Variants in PXDNL observed in about 807,000 individuals in gnomAD.
PXDNL encodes the protein peroxidasin like, also known as probable oxidoreductase PXDNL.
PXDNL carries 145 observed loss-of-function variants against 150.8 expected under a neutral mutation model. The ratio of observed to expected loss-of-function variants is 0.96; its 90% CI spans 0.84 to 1.10. The LOEUF (loss-of-function observed/expected upper bound fraction) is 1.10. PXDNL is among the 50% of genes least tolerant of loss of function. PXDNL has a pLI of 0.00. For missense variants in PXDNL, 2,087 were observed against 1,873.9 expected (o/e 1.11, Z -2.10); for synonymous variants, 757 against 725.7 (o/e 1.04, Z -0.69).
chr8:51,738,482 G>A (rs1055255626), intron 1 of PXDNL, among the ~76,000 whole-genome samples: 1 of 151,966 alleles, frequency 6.6e-6, no homozygotes, highest in Non-Finnish European at 1.5e-5. Flanking sequence ...GTCCTCAAAT[G>A]TCACTTCCTC....
intron 19 of PXDNL, among the ~76,000 whole-genome samples, chr8:51,349,099 G>A (rs1017354): frequency 0.78 from 118,432 of 151,930 alleles, 46,326 homozygotes; most frequent in East Asian, 0.94. Context: ...GTTTGAAGAC[G>A]GCAACAGATG....
intron 1 of PXDNL, among the ~76,000 whole-genome samples, chr8:51,655,204 T>C (rs993813476): frequency 6.6e-6 from 1 of 152,244 alleles, no homozygotes; most frequent in Admixed American, 6.5e-5. Flanking sequence ...TTAATTTTTC[T>C]TCACAGTACA....
chr8:51,782,632 T>C (rs1214412515), intron 1 of PXDNL, among the ~76,000 whole-genome samples: 1 of 152,338 alleles, frequency 6.6e-6, no homozygotes. Flanking sequence ...CTCATATGTA[T>C]TGACTTACAC....
intron 11 of PXDNL, among the ~76,000 whole-genome samples, chr8:51,448,307 A>G (rs1809725056): frequency 6.6e-6 from 1 of 152,214 alleles, no homozygotes; most frequent in Non-Finnish European, 1.5e-5. Flanking sequence ...ACACTTCAGG[A>G]ACAGCAGCTC....
chr8:51,662,282 G>A (rs1453258181), intron 1 of PXDNL, among the ~76,000 whole-genome samples: 4 of 152,190 alleles, frequency 2.6e-5, no homozygotes, highest in Non-Finnish European at 5.9e-5. Flanking sequence ...CACTTTGGGA[G>A]GCTGAGGCAG....
At chr8:51,511,614 C>G (rs1308968865) in intron 4 of PXDNL, among the ~76,000 whole-genome samples, 1 of 152,134 alleles carries the variant, frequency 6.6e-6, no homozygotes, top group East Asian at 1.9e-4. Context: ...CACTCACTGA[C>G]CAGTTGCAAG....
chr8:51,639,404 G>A (rs536466774), intron 2 of PXDNL, among the ~76,000 whole-genome samples: 9 of 152,228 alleles, frequency 5.9e-5, no homozygotes, highest in Non-Finnish European at 8.8e-5. Context: ...AAACATCAAC[G>A]AATCCAGGAG....
intron 4 of PXDNL, among the ~76,000 whole-genome samples, chr8:51,515,789 T>C (rs1811521633): frequency 6.6e-6 from 1 of 152,246 alleles, no homozygotes. Context: ...TATTCTCATA[T>C]ATAGACATAC....
At position 51,408,331 on chromosome 8, in the gene PXDNL, T is replaced by C; in HGVS notation, c.3293A>G (p.Asp1098Gly). Residue 1098 changes from aspartate to glycine, a missense_variant, in exon 17 of 23, where the codon GAC (aspartate) becomes GGC (glycine). Physicochemically the swap from Asp to Gly is moderately conservative, Grantham distance 94 (BLOSUM62 -1). Transcript: ENST00000356297. ...PSRIIKEGGIDPVLRGLFGVA... is the reference protein window; with the variant it reads ...PSRIIKEGGIGPVLRGLFGVA... ...GCCAAACAGCCCCCGGAGAACCGGG[T>C]CTATCCCACCTTCCTTGATTATTCT... 1 of 1,613,978 alleles carries C rather than the reference T, an allele frequency of 6.2e-7. No individual in the cohort carries two copies. The highest frequency in any genetic ancestry group is 8.5e-7 in the Non-Finnish European group (1 of 1,179,886).
intron 2 of PXDNL, among the ~76,000 whole-genome samples, chr8:51,605,087 C>G (rs1318479491): frequency 2.6e-5 from 4 of 152,098 alleles, no homozygotes; most frequent in African/African-American, 9.7e-5. Context: ...CCGCGATCAG[C>G]AGCTAGTAAT....
intron 10 of PXDNL, among the ~76,000 whole-genome samples, chr8:51,453,153 G>C (rs1299402798): frequency 6.6e-6 from 1 of 152,222 alleles, no homozygotes; most frequent in African/African-American, 2.4e-5. Flanking sequence ...CTGTTGAGTA[G>C]ACAGTTTGGT....
chr8:51,640,687 G>C lies in PXDNL; in HGVS notation c.236+14002C>G, dbSNP rs574875144. Among the ~76,000 whole-genome samples, 15 of 152,252 alleles carry C rather than the reference G, an allele frequency of 9.9e-5. No individual in the cohort carries two copies. The South Asian group carries it at 2.5e-3, about 25-fold the overall frequency. On this transcript the variant is annotated intron_variant, in intron 2 of 22. Coordinates refer to ENST00000356297, the MANE Select transcript of PXDNL (RefSeq NM_144651.5). ...TCTTCAAGGAGAACTACAAAACACT[G>C]CTCAGTGAAATTAAAGAGGATACAA...
intron 4 of PXDNL, among the ~76,000 whole-genome samples, chr8:51,505,769 A>G (rs941324177): frequency 6.6e-6 from 1 of 152,230 alleles, no homozygotes; most frequent in African/African-American, 2.4e-5. Flanking sequence ...CAGAGCTCAG[A>G]GGAAAAGCAG....
intron 1 of PXDNL, among the ~76,000 whole-genome samples, chr8:51,803,097 A>C (rs1290756389): frequency 6.6e-6 from 1 of 152,154 alleles, no homozygotes; most frequent in Non-Finnish European, 1.5e-5. Flanking sequence ...CCTATTCTGC[A>C]CCTGGGTTAG....
chr8:51,509,248 T>C (rs1020421548), intron 4 of PXDNL, among the ~76,000 whole-genome samples: 2 of 152,198 alleles, frequency 1.3e-5, no homozygotes, highest in African/African-American at 4.8e-5. Flanking sequence ...ATTATAAATA[T>C]ATACAACATT....
At chr8:51,565,839 A>G (rs867853150) in intron 3 of PXDNL, among the ~76,000 whole-genome samples, 2 of 151,090 alleles carry the variant, frequency 1.3e-5, no homozygotes, top group Admixed American at 1.3e-4. Context: ...ACACCAAAAT[A>G]AAAAAAAATC....
At chr8:51,370,756 C>T (rs1586043147) in intron 19 of PXDNL, among the ~76,000 whole-genome samples, 1 of 152,324 alleles carries the variant, frequency 6.6e-6, no homozygotes, top group East Asian at 1.9e-4. Flanking sequence ...ATCATCACGC[C>T]TGGCTAATTT....
At chr8:51,494,041 T>C (rs1056368742) in intron 5 of PXDNL, among the ~76,000 whole-genome samples, 3 of 151,954 alleles carry the variant, frequency 2.0e-5, no homozygotes, top group Non-Finnish European at 4.4e-5. Context: ...AAAGGTCGGG[T>C]TACCCACAAA....
intron 3 of PXDNL, among the ~76,000 whole-genome samples, chr8:51,566,445 T>A (rs1224256574): frequency 6.6e-6 from 1 of 151,862 alleles, no homozygotes; most frequent in African/African-American, 2.4e-5. Flanking sequence ...AGAAGGTTAT[T>A]AATTATTGAT....
Sources: gnomAD v4.1 joint callset for allele counts (sites outside exome capture counted in the v4.1 genomes callset) on GRCh38, gnomAD v4.1.1 for gene constraint, MANE v1.5 for transcripts, NCBI Gene and HGNC (gene_info 2026-07-23, HGNC 2026-07-21) for gene names.